The following TPST2 variants were observed in gnomAD, a reference collection of about 807,000 sequenced individuals.
The protein encoded by TPST2 is tyrosylprotein sulfotransferase 2, also known as protein-tyrosine sulfotransferase 2.
Under a neutral mutation model 27.8 loss-of-function variants are expected in TPST2, and 16 were observed. The observed-to-expected ratio is 0.58, with a 90% CI of 0.39 to 0.88. TPST2 has a LOEUF of 0.88. Among genes scored for constraint, TPST2 ranks in the 40% least tolerant of loss-of-function variants. The probability of loss-of-function intolerance (pLI) is 0.00; values close to 1 mark genes in which losing one functional copy is unlikely to be tolerated. For synonymous variants in TPST2, 229 were observed against 231.7 expected (o/e 0.99, Z 0.10); for missense variants, 464 against 543.1 (o/e 0.85, Z 1.45).
At chr22:26,527,777 T>C (rs1924920457) in intron 6 of TPST2, among the ~76,000 whole-genome samples, 1 of 152,194 alleles carries the variant, frequency 6.6e-6, no homozygotes, top group African/African-American at 2.4e-5. Flanking sequence ...CCAACGGCCA[T>C]GGGGGTTATT....
In TPST2 at chr22:26,555,394, A is replaced by G. The variant is rs1602279578; in HGVS notation, c.-160-10719T>C. On this transcript the variant is annotated intron_variant, in intron 1 of 6. Coordinates refer to ENST00000338754, the MANE Select transcript of TPST2 (RefSeq NM_003595.5). ...CAGGAGTGTAGACCTAAAGTTGGAC[A>G]GACCCAGGCGATCTTGGTGTGGCCA... 1.1e-5 allele frequency: 4 copies of G among 375,222 alleles called. No homozygotes were observed. The East Asian group carries it at 2.9e-4, about 27-fold the overall frequency. 23.2% of individuals were successfully genotyped at this position (375,222 alleles called of 1,614,324 possible).
Position 26,541,635 on chromosome 22 carries a change from G to A in TPST2, c.-5C>T, listed in dbSNP as rs1291922353. 1 of 1,561,272 alleles carries A rather than the reference G, an allele frequency of 6.4e-7. No homozygotes were observed. Among genetic ancestry groups the A allele is most frequent in the Admixed American group, 1.8e-5 (1 of 54,204 alleles). On this transcript the variant is annotated 5_prime_UTR_variant, in exon 3 of 7. Transcript: ENST00000338754. This position sits in a 1 kb window ranked among gnomAD's most constrained non-coding sequence, Gnocchi z 5.9. ...CCTCCGCACCGACAGGCGCATGCTG[G>A]GCCGGAGGCAGGGTAGGCCTGGCCT...
At chr22:26,560,083 T>C (rs1323971341) in intron 1 of TPST2, among the ~76,000 whole-genome samples, 2 of 152,214 alleles carry the variant, frequency 1.3e-5, no homozygotes, top group East Asian at 1.9e-4. Context: ...GAGCCAGCAG[T>C]GGCCTCGGAG....
intron 4 of TPST2, among the ~76,000 whole-genome samples, chr22:26,533,397 G>A (rs753354684): frequency 3.2e-4 from 48 of 152,144 alleles, no homozygotes; most frequent in Non-Finnish European, 5.9e-4. Flanking sequence ...TCTAGCCTGA[G>A]TGACAGAGCG....
In TPST2 at chr22:26,541,792, A is replaced by G. The variant is rs1925859309; in HGVS notation, c.-88-74T>C. ...AGCTCTCCAATAACTGCAAAGCCCT[A>G]TAACTGCAAACAAGAGGCTGCTGAC... On this transcript the variant is annotated intron_variant, in intron 2 of 6. Transcript: ENST00000338754. This position sits in a 1 kb window ranked among gnomAD's most constrained non-coding sequence, Gnocchi z 5.9. The G allele has an allele frequency of 1.5e-6, 2 of 1,341,356 alleles. No homozygotes were observed. The highest frequency in any genetic ancestry group is 6.0e-5 in the Admixed American group (2 of 33,298). 83.1% of individuals were successfully genotyped at this position (1,341,356 alleles called of 1,614,324 possible).
intron 3 of TPST2, among the ~76,000 whole-genome samples, chr22:26,540,283 T>C (rs891565460): frequency 2.0e-5 from 3 of 152,134 alleles, no homozygotes; most frequent in Admixed American, 6.6e-5. Flanking sequence ...CACTATTGCC[T>C]TACTACAAAG....
chr22:26,548,562 GAAGA>G (rs1295154289), intron 1 of TPST2, among the ~76,000 whole-genome samples: 1 of 147,402 alleles, frequency 6.8e-6, no homozygotes, highest in African/African-American at 2.5e-5. Context: ...GAGAAAGAGA[GAAGA>G]AAGAGAAAGA....
In TPST2 at chr22:26,525,348, G is replaced by C. The variant is rs554886876; in HGVS notation, c.*927C>G. ...CAGGTTCAAGCCTCCTGAGTAGCTG[G>C]GATTACAGGTGCACACCACCACGCC... On this transcript the variant is annotated 3_prime_UTR_variant, in exon 7 of 7. Transcript: ENST00000338754. 6.6e-6 allele frequency: 1 copy of C among 151,824 alleles called. No individual in the cohort carries two copies. The highest frequency in any genetic ancestry group is 1.9e-4 in the East Asian group (1 of 5,182). The allele number at this position is 151,824 out of a possible 1,614,324, so 9.4% of individuals were successfully genotyped here.
At chr22:26,549,497 A>T (rs1200671345) in intron 1 of TPST2, among the ~76,000 whole-genome samples, 1 of 151,418 alleles carries the variant, frequency 6.6e-6, no homozygotes, top group Non-Finnish European at 1.5e-5. Flanking sequence ...TCCGTACTAA[A>T]ATACAAAAAA....
rs141410423 is a variant in TPST2, at chr22:26,568,284, C to G, written c.-161+21769G>C. On this transcript the variant is annotated intron_variant, in intron 1 of 6. Transcript: ENST00000338754. ...AACACCTGTGATGAGCGAAACAAGTCAGCACAAGAAAGACCATAACGCGTG... is the reference window on the plus strand; with the variant it reads ...AACACCTGTGATGAGCGAAACAAGTGAGCACAAGAAAGACCATAACGCGTG... Among the ~76,000 whole-genome samples the G allele has an allele frequency of 1.1e-4, 17 of 152,320 alleles. No homozygotes were observed. In the East Asian group the frequency reaches 3.3e-3, roughly 29 times the overall value.
At chr22:26,566,274 T>C (rs1281070941) in intron 1 of TPST2, among the ~76,000 whole-genome samples, 1 of 151,750 alleles carries the variant, frequency 6.6e-6, no homozygotes, top group African/African-American at 2.4e-5. Context: ...AAAATTAGGC[T>C]GGGTGCGGTG....
chr22:26,557,243 G>A (rs1453019875), intron 1 of TPST2, among the ~76,000 whole-genome samples: 1 of 152,240 alleles, frequency 6.6e-6, no homozygotes, highest in Non-Finnish European at 1.5e-5. Context: ...ATCCGCAGTG[G>A]ATGAGGGGAG....
intron 5 of TPST2, 121 bp downstream of exon 5, chr22:26,532,574 C>T: frequency 7.1e-6 from 8 of 1,120,404 alleles, no homozygotes; most frequent in Non-Finnish European, 1.0e-5. Flanking sequence ...GCTCACATCC[C>T]CCTTTTTATA....
chr22:26,561,405 A>G (rs1927084944), intron 1 of TPST2, among the ~76,000 whole-genome samples: 1 of 152,186 alleles, frequency 6.6e-6, no homozygotes, highest in African/African-American at 2.4e-5. Flanking sequence ...GTAAATTGGC[A>G]TGGAAATTTA....
At chr22:26,544,724 G>A (rs1346640598) in intron 1 of TPST2, 49 bp from the exon 2 acceptor site, 43 of 966,074 alleles carry the variant, frequency 4.5e-5, no homozygotes, top group Non-Finnish European at 5.2e-5. Context: ...CTGTGGAGAG[G>A]GGCCAAGCCT....
Position 26,536,495 on chromosome 22 carries a change from A to AGAGGAGACGCTGG in TPST2, c.843-22_843-10dup. 2 of 1,511,272 alleles carry AGAGGAGACGCTGG rather than the reference A, an allele frequency of 1.3e-6. No individual in the cohort carries two copies. Among genetic ancestry groups the AGAGGAGACGCTGG allele is most frequent in the Non-Finnish European group, 1.8e-6 (2 of 1,130,086 alleles). The allele number at this position is 1,511,272 out of a possible 1,614,324, so 93.6% of individuals were successfully genotyped here. ...CCGTGGACCGCTCGATCCTGGGGAG[A>AGAGGAGACGCTGG]GAGGAGACGCTGGAGAGGGTAGGGC... is the stretch of plus-strand genomic sequence containing the variant. On this transcript the variant is annotated splice_polypyrimidine_tract_variant and intron_variant, in intron 3 of 6. Transcript: ENST00000338754.
chr22:26,531,749 C>T (rs1602251172), intron 5 of TPST2, among the ~76,000 whole-genome samples: 1 of 152,188 alleles, frequency 6.6e-6, no homozygotes, highest in Non-Finnish European at 1.5e-5. Flanking sequence ...CCCAGTTCCA[C>T]GACTGCCCCA....
intron 1 of TPST2, among the ~76,000 whole-genome samples, chr22:26,556,257 G>C (rs574854806): frequency 1.3e-3 from 201 of 152,256 alleles, no homozygotes; most frequent in Non-Finnish European, 2.3e-3. Context: ...TAAAAATATG[G>C]GCCAGGAGCA....
At chr22:26,548,577 A>G (rs1770335447) in intron 1 of TPST2, among the ~76,000 whole-genome samples, 2 of 129,982 alleles carry the variant, frequency 1.5e-5, no homozygotes, top group Non-Finnish European at 3.4e-5. Context: ...AAGAGAAAGA[A>G]AAAGGAAGGA....
Sources: gnomAD v4.1 joint callset for allele counts (sites outside exome capture counted in the v4.1 genomes callset) on GRCh38, gnomAD v4.1.1 for gene constraint, Gnocchi (gnomAD v3.1) non-coding constraint, MANE v1.5 for transcripts, NCBI Gene and HGNC (gene_info 2026-07-23, HGNC 2026-07-21) for gene names.